The following POLR3G variants were observed in gnomAD, a reference collection of about 807,000 sequenced individuals.
POLR3G encodes the protein DNA-directed RNA polymerase III subunit RPC7.
A neutral mutation model predicts 30.1 loss-of-function variants in POLR3G; 28 were observed. The observed-to-expected ratio is 0.93, with a 90% CI of 0.69 to 1.27. POLR3G has a LOEUF of 1.27. Ranked by LOEUF, POLR3G falls within the 50% of genes most tolerant of loss-of-function variation. The pLI, the probability that POLR3G is intolerant of heterozygous loss-of-function variation, is 0.00. For synonymous variants in POLR3G, 79 were observed against 82.5 expected, an observed-to-expected ratio of 0.96 and a Z score of 0.23; for missense variants, 254 against 264.6, an observed-to-expected ratio of 0.96 and a Z score of 0.28.
intron 2 of POLR3G, 145 bp downstream of exon 2, chr5:90,485,829 ATT>A: frequency 3.5e-6 from 2 of 563,682 alleles, no homozygotes; most frequent in South Asian, 3.0e-5. Flanking sequence ...ACCTTTAAAT[ATT>A]TTCATGATCT....
At chr5:90,491,127 G>T (rs1405059268) in intron 3 of POLR3G, among the ~76,000 whole-genome samples, 1 of 152,176 alleles carries the variant, frequency 6.6e-6, no homozygotes, top group Admixed American at 6.5e-5. Flanking sequence ...AGAACTGATG[G>T]CATGGAATGA....
chr5:90,475,307 A>G (rs1750740151), intron 1 of POLR3G, among the ~76,000 whole-genome samples: 1 of 152,144 alleles, frequency 6.6e-6, no homozygotes, highest in South Asian at 2.1e-4. Context: ...TTCAAAATCC[A>G]TGGCTTTATG....
rs562163116 is a variant in POLR3G at position 90,512,518 on chromosome 5, A to G, written c.*379A>G. 198 of 166,610 alleles carry G rather than the reference A, an allele frequency of 1.2e-3. 1 individual carries two copies. Among genetic ancestry groups the G allele is most frequent in the Non-Finnish European group, 2.0e-3 (153 of 75,850 alleles). The allele number at this position is 166,610 out of a possible 1,614,324, so 10.3% of individuals were successfully genotyped here. ...TTGCTAGTCATAATGGATTTCTATA[A>G]CCTGAAAGTTGATATAATACAGCAC... On this transcript the variant is annotated 3_prime_UTR_variant, in exon 8 of 8. Transcript: ENST00000651687.
At chr5:90,490,949 T>C (rs2656953) in intron 3 of POLR3G, 31,685 of 154,870 alleles carry the variant, frequency 0.2, 3,407 homozygotes, top group East Asian at 0.32. Flanking sequence ...TGACTGTACC[T>C]TCGCCAGGTG....
intron 2 of POLR3G, among the ~76,000 whole-genome samples, chr5:90,487,131 G>A (rs1226594891): frequency 6.6e-6 from 1 of 152,036 alleles, no homozygotes; most frequent in African/African-American, 2.4e-5. Context: ...ACTCCATCTT[G>A]CCATTTATTC....
intron 1 of POLR3G, among the ~76,000 whole-genome samples, chr5:90,477,019 G>A (rs138209462): frequency 2.0e-5 from 3 of 152,284 alleles, no homozygotes; most frequent in East Asian, 1.9e-4. Flanking sequence ...ACGGCCTGAC[G>A]ATGAGGGTGC....
chr5:90,495,982 A>AT (rs1220739629), intron 4 of POLR3G, among the ~76,000 whole-genome samples: 1 of 151,236 alleles, frequency 6.6e-6, no homozygotes, highest in Non-Finnish European at 1.5e-5. Context: ...TATTTTATTT[A>AT]TTTTTTTGAG....
chr5:90,508,459 C>T (rs1199048430), intron 7 of POLR3G, among the ~76,000 whole-genome samples: 1 of 151,688 alleles, frequency 6.6e-6, no homozygotes, highest in African/African-American at 2.4e-5. Flanking sequence ...CTGCTTGTCT[C>T]TTCCATTCAT....
Position 90,492,099 on chromosome 5 carries a change from G to A in POLR3G, c.248-3578G>A, listed in dbSNP as rs1454498751. On this transcript the variant is annotated intron_variant, in intron 3 of 7. Coordinates refer to ENST00000651687, the MANE Select transcript of POLR3G (RefSeq NM_006467.3). The stretch of plus-strand genomic sequence containing the variant: ...TTCTTAGACGAATCAGAAGTCAAAT[G>A]CAAAGAGATAGATAGCTCTCTGGAT... Among the ~76,000 whole-genome samples the A allele has an allele frequency of 4.6e-5, 7 of 152,268 alleles. No homozygotes were observed. In the East Asian group the frequency reaches 1.2e-3, roughly 25 times the overall value.
In POLR3G at chr5:90,512,719, T is replaced by G. The variant is rs1244637656; in HGVS notation, c.*580T>G. The G allele has an allele frequency of 1.3e-5, 2 of 152,566 alleles. No individual in the cohort carries two copies. Among genetic ancestry groups the G allele is most frequent in the African/African-American group, 4.8e-5 (2 of 41,432 alleles). 9.5% of individuals were successfully genotyped at this position (152,566 alleles called of 1,614,324 possible). ...ATACACATAGGGAAAAATACCAAAC[T>G]GAGCAATATAAATTTCACAGCTCAC... On this transcript the variant is annotated 3_prime_UTR_variant, in exon 8 of 8. Coordinates refer to ENST00000651687, the MANE Select transcript of POLR3G (RefSeq NM_006467.3).
chr5:90,498,600 AC>A (rs1481789247), intron 5 of POLR3G, among the ~76,000 whole-genome samples: 2 of 152,216 alleles, frequency 1.3e-5, no homozygotes, highest in African/African-American at 2.4e-5. Context: ...GCTAAGAAAG[AC>A]TTTTCAATTA....
chr5:90,477,680 A>G (rs575391199), intron 1 of POLR3G, among the ~76,000 whole-genome samples: 1 of 152,270 alleles, frequency 6.6e-6, no homozygotes, highest in African/African-American at 2.4e-5. Flanking sequence ...GCATTTATTC[A>G]TGGAGCTGAC....
At chr5:90,475,728 T>G (rs1214642023) in intron 1 of POLR3G, among the ~76,000 whole-genome samples, 1 of 152,146 alleles carries the variant, frequency 6.6e-6, no homozygotes, top group African/African-American at 2.4e-5. Flanking sequence ...TGTTTGTTTG[T>G]TTTTTGAGAC....
In POLR3G at chr5:90,502,070, G is replaced by T. The variant is rs1168555411; in HGVS notation, c.438+82G>T. On this transcript the variant is annotated intron_variant, in intron 6 of 7. Transcript: ENST00000651687. ...CGTTTTGCTCTGTTTCAACCTTTCA[G>T]CATTCTCTTACTTTTTAATAATGTA... The T allele has an allele frequency of 3.9e-6, 6 of 1,526,856 alleles. No homozygotes were observed. The African/African-American group carries it at 7.0e-5, about 18-fold the overall frequency. 94.6% of individuals were successfully genotyped at this position (1,526,856 alleles called of 1,614,324 possible). A position where few individuals can be genotyped will look rare whatever the true frequency, so the allele number is the denominator to read the frequency against.
chr5:90,483,202 G>A (rs1460573206), intron 1 of POLR3G, among the ~76,000 whole-genome samples: 2 of 150,280 alleles, frequency 1.3e-5, no homozygotes, highest in Non-Finnish European at 3.0e-5. Context: ...CTGATTTAAG[G>A]AATAATAAAA....
intron 6 of POLR3G, among the ~76,000 whole-genome samples, chr5:90,504,448 G>A (rs1218184438): frequency 1.3e-5 from 2 of 151,876 alleles, no homozygotes; most frequent in Non-Finnish European, 2.9e-5. Context: ...TGTAGTCCCA[G>A]TTACTCGGGA....
intron 7 of POLR3G, among the ~76,000 whole-genome samples, chr5:90,507,649 G>A (rs1404789083): frequency 1.3e-5 from 2 of 152,072 alleles, no homozygotes; most frequent in African/African-American, 4.8e-5. Context: ...AGAAGCTTCT[G>A]ATTATTTGTT....
intron 6 of POLR3G, among the ~76,000 whole-genome samples, chr5:90,506,134 C>T (rs774685622): frequency 2.4e-4 from 36 of 152,046 alleles, no homozygotes; most frequent in Non-Finnish European, 4.3e-4. Flanking sequence ...GAAGCTCAAG[C>T]AGGAGAATCA....
Position 90,513,115 on chromosome 5 carries a change from A to G in POLR3G, c.*976A>G, listed in dbSNP as rs570979958. The G allele has an allele frequency of 1.6e-3, 242 of 152,502 alleles. 1 individual carries two copies. Among genetic ancestry groups the G allele is most frequent in the African/African-American group, 5.7e-3 (238 of 41,542 alleles). 9.4% of individuals were successfully genotyped at this position (152,502 alleles called of 1,614,324 possible). A position where few individuals can be genotyped will look rare whatever the true frequency, so the allele number is the denominator to read the frequency against. On this transcript the variant is annotated 3_prime_UTR_variant, in exon 8 of 8. Coordinates refer to ENST00000651687, the MANE Select transcript of POLR3G (RefSeq NM_006467.3). Reference sequence around the variant, plus strand: ...TTAAAGCTAGCTCCCCTAACTTTATATATTTTTTGGGAAAAAATACCTAAA... The same window carrying G: ...TTAAAGCTAGCTCCCCTAACTTTATGTATTTTTTGGGAAAAAATACCTAAA...
Sources: allele counts gnomAD v4.1 joint callset (sites outside exome capture counted in the v4.1 genomes callset), GRCh38; gene constraint gnomAD v4.1.1; transcripts MANE v1.5; gene names NCBI Gene and HGNC (gene_info 2026-07-23, HGNC 2026-07-21).